MTRF1: variants seen among roughly 807,000 people sequenced by gnomAD.
MTRF1 encodes the protein peptide chain release factor 1, mitochondrial.
Under a neutral mutation model 62.9 loss-of-function variants are expected in MTRF1, and 51 were observed. The ratio of observed to expected loss-of-function variants is 0.81; its 90% confidence interval spans 0.65 to 1.02. The LOEUF is 1.02. Ranked by LOEUF, MTRF1 falls within the 50% of genes least tolerant of loss-of-function variation. The probability of loss-of-function intolerance (pLI) is 0.00; values close to 1 mark genes in which losing one functional copy is unlikely to be tolerated. For missense variants in MTRF1, 446 were observed against 530.0 expected (o/e 0.84, Z 1.56); for synonymous variants, 158 against 181.9 (o/e 0.87, Z 1.06).
chr13:41,288,919 A>G, the MTRF1 span, among the ~76,000 whole-genome samples: 3 of 152,166 alleles, frequency 2.0e-5, no homozygotes, highest in African/African-American at 7.2e-5. Context: ...TGAAAAGGAG[A>G]CAAGAGCCTT....
At chr13:41,304,138 A>C in the MTRF1 span, among the ~76,000 whole-genome samples, 13 of 152,230 alleles carry the variant, frequency 8.5e-5, no homozygotes, top group African/African-American at 3.1e-4. Flanking sequence ...TGGTAACATA[A>C]GAAAAGAAAG....
At chr13:41,270,389 GCTCTTT>G in the MTRF1 span, among the ~76,000 whole-genome samples, 4 of 151,960 alleles carry the variant, frequency 2.6e-5, no homozygotes, top group Admixed American at 6.6e-5. Flanking sequence ...ATTAATTAGA[GCTCTTT>G]TAGACATTTT....
the MTRF1 span, among the ~76,000 whole-genome samples, chr13:41,284,536 C>T: frequency 8.2e-5 from 12 of 145,614 alleles, no homozygotes; most frequent in East Asian, 4.0e-4. Flanking sequence ...ACAGTGAGAC[C>T]GTGTCTCAAA....
chr13:41,257,093 G>A (rs528664925), intron 2 of MTRF1, among the ~76,000 whole-genome samples: 5 of 152,214 alleles, frequency 3.3e-5, no homozygotes, highest in Non-Finnish European at 7.3e-5. Context: ...TGTTAACAAC[G>A]TGGGCAAAGA....
rs1185141226 is a variant in MTRF1 at position 41,226,530 on chromosome 13, T to G, written c.1027A>C (p.Lys343Gln). Reference protein sequence around the residue: ...VECQQERSQIKNKEIAFRVLR... With the variant: ...VECQQERSQIQNKEIAFRVLR... ...ACACGAAAGGCTATTTCTTTATTTT[T>G]TATCTGTGATCTTTCTTGTTGGCAT... The change falls in exon 8 of 10, where the codon AAA (lysine) becomes CAA (glutamine). Residue 343 changes from lysine (K) to glutamine (Q), a missense_variant. Lys to Gln is a moderately conservative substitution (Grantham distance 53). Transcript: ENST00000379480. 1 of 1,613,972 alleles carries G rather than the reference T, an allele frequency of 6.2e-7. No homozygotes were observed. The highest frequency in any genetic ancestry group is 1.1e-5 in the South Asian group (1 of 91,070).
At chr13:41,227,430 A>G (rs924058166) in intron 7 of MTRF1, among the ~76,000 whole-genome samples, 6 of 152,190 alleles carry the variant, frequency 3.9e-5, no homozygotes, top group African/African-American at 1.4e-4. Flanking sequence ...TGCGTAGTCT[A>G]AGTTAGCTGG....
chr13:41,250,748 G>C (rs939757792), intron 5 of MTRF1, among the ~76,000 whole-genome samples: 1 of 152,130 alleles, frequency 6.6e-6, no homozygotes, highest in Non-Finnish European at 1.5e-5. Flanking sequence ...TTATAGGCGT[G>C]AGCCACTGTG....
chr13:41,274,606 G>A, the MTRF1 span, among the ~76,000 whole-genome samples: 125 of 151,642 alleles, frequency 8.2e-4, no homozygotes, highest in African/African-American at 2.8e-3. Flanking sequence ...CAGTGCTTGC[G>A]GCTGGAATGT....
intron 6 of MTRF1, among the ~76,000 whole-genome samples, chr13:41,237,869 T>G (rs1200778303): frequency 6.6e-6 from 1 of 152,204 alleles, no homozygotes; most frequent in Non-Finnish European, 1.5e-5. Context: ...AGTTTACTGT[T>G]AGTAATGTCG....
At chr13:41,282,183 T>C in the MTRF1 span, among the ~76,000 whole-genome samples, 1 of 148,290 alleles carries the variant, frequency 6.7e-6, no homozygotes, top group Non-Finnish European at 1.5e-5. Context: ...GCTCTGGGAA[T>C]AGGCTGACCA....
intron 6 of MTRF1, among the ~76,000 whole-genome samples, chr13:41,237,259 G>C (rs1218210314): frequency 6.9e-6 from 1 of 145,078 alleles, no homozygotes; most frequent in Non-Finnish European, 1.5e-5. Flanking sequence ...AATAAAAACA[G>C]GGTAAGTGGG....
At chr13:41,236,400 A>G (rs966369311) in intron 6 of MTRF1, 10 of 152,368 alleles carry the variant, frequency 6.6e-5, no homozygotes, top group African/African-American at 2.4e-4. Flanking sequence ...GGCATGAGCC[A>G]CTGTGCCCGG....
chr13:41,310,030 C>T, the MTRF1 span, among the ~76,000 whole-genome samples: 2 of 152,170 alleles, frequency 1.3e-5, no homozygotes, highest in African/African-American at 2.4e-5. Flanking sequence ...CAGCCCAGTT[C>T]TGATTACAGC....
the MTRF1 span, among the ~76,000 whole-genome samples, chr13:41,307,615 CA>C: frequency 3.4e-3 from 478 of 140,174 alleles, 1 homozygote; most frequent in African/African-American, 4.1e-3. Context: ...GGCTCCATCT[CA>C]AAAAAAAAAA....
chr13:41,299,734 C>T, the MTRF1 span, among the ~76,000 whole-genome samples: 1 of 144,910 alleles, frequency 6.9e-6, no homozygotes, highest in African/African-American at 2.5e-5. Context: ...GTTTTAAAGA[C>T]TTTTTTTTTT....
At chr13:41,265,001 A>G (rs909700726), upstream of MTRF1, among the ~76,000 whole-genome samples, 11 of 152,246 alleles carry the variant, frequency 7.2e-5, no homozygotes, top group Admixed American at 4.6e-4. Context: ...CCAGTAGGGG[A>G]AAAGTTTCAA....
the MTRF1 span, among the ~76,000 whole-genome samples, chr13:41,292,638 T>C: frequency 7.5e-6 from 1 of 132,764 alleles, no homozygotes; most frequent in African/African-American, 2.8e-5. Context: ...AAAAGAAGGG[T>C]AAAATTGATT....
chr13:41,251,008 T>C (rs528841761), intron 5 of MTRF1, among the ~76,000 whole-genome samples: 1 of 152,284 alleles, frequency 6.6e-6, no homozygotes, highest in South Asian at 2.1e-4. Context: ...TAAAATGTAA[T>C]CCCAGGATTG....
At chr13:41,282,111 C>T in the MTRF1 span, among the ~76,000 whole-genome samples, 5 of 149,670 alleles carry the variant, frequency 3.3e-5, no homozygotes, top group Non-Finnish European at 7.4e-5. Flanking sequence ...GCACTCCAGC[C>T]TGGGCGACAG....
Sources: gnomAD v4.1 joint callset for allele counts (sites outside exome capture counted in the v4.1 genomes callset) on GRCh38, gnomAD v4.1.1 for gene constraint, MANE v1.5 for transcripts, NCBI Gene and HGNC (gene_info 2026-07-23, HGNC 2026-07-21) for gene names.